The following CHODL variants were observed in gnomAD, a reference collection of about 807,000 sequenced individuals.
The protein encoded by CHODL is chondrolectin.
CHODL carries 29 observed loss-of-function variants against 34.5 expected under a neutral mutation model. The ratio of observed to expected loss-of-function variants is 0.84; its 90% CI spans 0.63 to 1.15. The LOEUF is 1.15. Ranked by LOEUF, CHODL falls within the 50% of genes most tolerant of loss-of-function variation. The pLI is 0.00. For missense variants in CHODL, 332 were observed against 332.5 expected, an observed-to-expected ratio of 1.00 and a Z score of 0.01; for synonymous variants, 125 against 116.1, an observed-to-expected ratio of 1.08 and a Z score of -0.49.
intron 1 of CHODL, among the ~76,000 whole-genome samples, chr21:17,988,694 C>A (rs1464454624): frequency 1.3e-5 from 2 of 148,966 alleles, no homozygotes; most frequent in Non-Finnish European, 3.0e-5. Context: ...TGATGATTTC[C>A]AATTTCATCC....
chr21:18,047,871 A>G (rs1006112599), intron 2 of CHODL, among the ~76,000 whole-genome samples: 4 of 151,972 alleles, frequency 2.6e-5, no homozygotes, highest in Non-Finnish European at 5.9e-5. Context: ...GACGCTTCAC[A>G]GTGTGGGTGG....
intron 2 of CHODL, among the ~76,000 whole-genome samples, chr21:18,137,508 C>T (rs865914721): frequency 1.3e-5 from 2 of 152,260 alleles, no homozygotes; most frequent in Non-Finnish European, 2.9e-5. Flanking sequence ...CAAGATCTTC[C>T]TAACTTCTCT....
intron 2 of CHODL, among the ~76,000 whole-genome samples, chr21:18,087,667 C>T (rs931344181): frequency 3.3e-5 from 5 of 152,052 alleles, no homozygotes; most frequent in South Asian, 2.1e-4. Context: ...AATGACACCT[C>T]GAGGGGCAGG....
chr21:18,063,701 G>T lies in CHODL; in HGVS notation c.-45+35730G>T, dbSNP rs570922944. On this transcript the variant is annotated intron_variant, in intron 2 of 6. Transcript: ENST00000400127. Reference sequence around the variant, plus strand: ...GATTTACAATTTGTAAACATTCAAAGAATTCTTTTTTGTATGATTGAATAA... The same window carrying T: ...GATTTACAATTTGTAAACATTCAAATAATTCTTTTTTGTATGATTGAATAA... Among the ~76,000 whole-genome samples, 25 of 152,180 alleles carry T rather than the reference G, an allele frequency of 1.6e-4. No individual in the cohort carries two copies. In the East Asian group the frequency reaches 4.4e-3, roughly 27 times the overall value.
chr21:18,257,166 A>G (rs1417209507), intron 3 of CHODL, 39 bp downstream of exon 3: 1 of 1,550,010 alleles, frequency 6.5e-7, no homozygotes, highest in Non-Finnish European at 8.7e-7. Flanking sequence ...GATTTTGTGC[A>G]TGTTTAATTG....
intron 2 of CHODL, among the ~76,000 whole-genome samples, chr21:18,235,278 GT>G (rs986802734): frequency 2.6e-5 from 4 of 151,968 alleles, no homozygotes; most frequent in African/African-American, 9.7e-5. Context: ...GCCTGTGCAT[GT>G]TTTTTTAATA....
At chr21:18,071,863 T>C (rs2064809521) in intron 2 of CHODL, among the ~76,000 whole-genome samples, 1 of 152,182 alleles carries the variant, frequency 6.6e-6, no homozygotes, top group Non-Finnish European at 1.5e-5. Context: ...ACAACCGTCT[T>C]CAAATATCAG....
chr21:18,151,694 T>C (rs75283464), intron 2 of CHODL, among the ~76,000 whole-genome samples: 1 of 152,170 alleles, frequency 6.6e-6, no homozygotes, highest in Non-Finnish European at 1.5e-5. Context: ...TGGGATTTGA[T>C]GCTATTTCTA....
chr21:18,138,399 T>C (rs1039911988), intron 2 of CHODL, among the ~76,000 whole-genome samples: 3 of 152,208 alleles, frequency 2.0e-5, no homozygotes, highest in Admixed American at 6.5e-5. Context: ...TTTCCTAAAG[T>C]AAAAGTGGAT....
At chr21:17,917,715 GT>G (rs2063151061) in intron 1 of CHODL, among the ~76,000 whole-genome samples, 1 of 152,194 alleles carries the variant, frequency 6.6e-6, no homozygotes, top group Non-Finnish European at 1.5e-5. Context: ...GAGAAGAAAG[GT>G]GACCATTGAT....
intron 1 of CHODL, among the ~76,000 whole-genome samples, chr21:17,973,211 C>G (rs894281269): frequency 6.6e-6 from 1 of 152,070 alleles, no homozygotes; most frequent in Non-Finnish European, 1.5e-5. Context: ...TAGGCAATAC[C>G]ATTCAGAACA....
At chr21:18,256,413 T>C in intron 1 of CHODL, 96 bp from the exon 2 acceptor site, 1 of 1,151,746 alleles carries the variant, frequency 8.7e-7, no homozygotes, top group Non-Finnish European at 1.2e-6. Context: ...TGGTAATGTA[T>C]TTTCTGCTTT....
intron 2 of CHODL, among the ~76,000 whole-genome samples, chr21:18,067,544 G>T (rs537571264): frequency 6.6e-6 from 1 of 152,306 alleles, no homozygotes; most frequent in East Asian, 1.9e-4. Flanking sequence ...CCCTTTGAAA[G>T]AACCAATCCT....
chr21:18,265,817 T>C, intron 5 of CHODL, 137 bp from the exon 6 acceptor site: 1 of 613,924 alleles, frequency 1.6e-6, no homozygotes, highest in South Asian at 2.6e-5. Flanking sequence ...TAGAAGTTTT[T>C]GGAAGAATGG....
At chr21:18,084,341 T>C (rs2064977612) in intron 2 of CHODL, among the ~76,000 whole-genome samples, 2 of 152,202 alleles carry the variant, frequency 1.3e-5, no homozygotes, top group African/African-American at 4.8e-5. Context: ...TTGTAGTTCC[T>C]TGAAATGTGA....
intron 2 of CHODL, among the ~76,000 whole-genome samples, chr21:18,080,860 T>C (rs1278240683): frequency 1.3e-5 from 2 of 152,184 alleles, no homozygotes; most frequent in Non-Finnish European, 2.9e-5. Context: ...TTTATTCCCC[T>C]AATTCTGTGA....
intron 1 of CHODL, among the ~76,000 whole-genome samples, chr21:17,965,842 T>C (rs1053175117): frequency 6.6e-6 from 1 of 151,194 alleles, no homozygotes; most frequent in Non-Finnish European, 1.5e-5. Flanking sequence ...GACCAAGATA[T>C]CTCAAATTTA....
rs1007161146 is a variant in CHODL, at chr21:17,948,558, TAGC to T, written c.-145+31161_-145+31163del. Among the ~76,000 whole-genome samples, 9 of 151,832 alleles carry T rather than the reference TAGC, an allele frequency of 5.9e-5. No homozygotes were observed. The East Asian group carries it at 7.7e-4, about 13-fold the overall frequency. On this transcript the variant is annotated intron_variant, in intron 1 of 6. Coordinates refer to the CHODL transcript ENST00000400127. ...AATAAGAAAAAAAGAGGAAATAAAA[TAGC>T]AGGTAAAAAAGAAGACATTACAACT...
chr21:18,221,758 G>A (rs1234499062), intron 2 of CHODL, among the ~76,000 whole-genome samples: 1 of 152,186 alleles, frequency 6.6e-6, no homozygotes, highest in Non-Finnish European at 1.5e-5. Context: ...GACCCTAGAT[G>A]GCACTTACAG....
Sources: gnomAD v4.1 joint callset for allele counts (sites outside exome capture counted in the v4.1 genomes callset) on GRCh38, gnomAD v4.1.1 for gene constraint, MANE v1.5 for transcripts, NCBI Gene and HGNC (gene_info 2026-07-23, HGNC 2026-07-21) for gene names.